The following AUTS2 variants were observed in gnomAD, a reference collection of about 807,000 sequenced individuals.
AUTS2 encodes autism susceptibility gene 2 protein.
Under a neutral mutation model 112.4 loss-of-function variants are expected in AUTS2, and 17 were observed. That is an observed-to-expected ratio of 0.15 (90% confidence interval 0.10 to 0.23). The LOEUF (loss-of-function observed/expected upper bound fraction) is 0.23, where lower values mean the gene tolerates loss of function less well. AUTS2 is among the 10% of genes least tolerant of loss of function. The pLI, the probability that AUTS2 is intolerant of heterozygous loss-of-function variation, is 1.00. For synonymous variants in AUTS2, 751 were observed against 702.7 expected (o/e 1.07, Z -1.09); for missense variants, 1,510 against 1,701.6 (o/e 0.89, Z 1.98).
chr7:70,072,083 A>G (rs1433135517), intron 2 of AUTS2, among the ~76,000 whole-genome samples: 1 of 152,194 alleles, frequency 6.6e-6, no homozygotes, highest in Non-Finnish European at 1.5e-5. Context: ...AAAAGCGAGG[A>G]CATGATTTTA....
At chr7:70,297,635 C>G (rs544197773) in intron 4 of AUTS2, among the ~76,000 whole-genome samples, 1 of 151,716 alleles carries the variant, frequency 6.6e-6, no homozygotes. Flanking sequence ...GGGGTTTCAC[C>G]GTGTTAGCCA....
chr7:69,749,257 T>G (rs1271783908), intron 1 of AUTS2, among the ~76,000 whole-genome samples: 2 of 152,188 alleles, frequency 1.3e-5, no homozygotes, highest in Non-Finnish European at 2.9e-5. Flanking sequence ...TTATGAACTG[T>G]AATGTATCTC....
chr7:70,590,158 GTA>G (rs61345387), intron 5 of AUTS2, among the ~76,000 whole-genome samples: 22,922 of 144,940 alleles, frequency 0.16, 1,855 homozygotes, highest in Non-Finnish European at 0.18. Flanking sequence ...GTGTATGTAT[GTA>G]TATATATATA....
chr7:69,745,801 G>T (rs1241124053), intron 1 of AUTS2, among the ~76,000 whole-genome samples: 1 of 152,144 alleles, frequency 6.6e-6, no homozygotes, highest in African/African-American at 2.4e-5. Context: ...TGAGTATTCT[G>T]TGTGGGTTTA....
intron 5 of AUTS2, among the ~76,000 whole-genome samples, chr7:70,494,136 G>A (rs961487113): frequency 2.6e-5 from 4 of 152,226 alleles, no homozygotes; most frequent in Admixed American, 1.3e-4. Context: ...TTGCAGAGCT[G>A]ATCTTTGTGA....
chr7:70,251,273 C>T (rs552833811), intron 4 of AUTS2, among the ~76,000 whole-genome samples: 1 of 152,116 alleles, frequency 6.6e-6, no homozygotes, highest in South Asian at 2.1e-4. Context: ...ACCATGTTGG[C>T]CAGGCTGGTC....
intron 1 of AUTS2, among the ~76,000 whole-genome samples, chr7:69,638,707 A>G (rs538794358): frequency 6.6e-6 from 1 of 152,332 alleles, no homozygotes; most frequent in South Asian, 2.1e-4. Flanking sequence ...TACTTCAAGC[A>G]GTATTGCCAT....
intron 2 of AUTS2, among the ~76,000 whole-genome samples, chr7:69,929,953 T>TTG (rs1796166760): frequency 6.6e-6 from 1 of 152,228 alleles, no homozygotes; most frequent in African/African-American, 2.4e-5. Flanking sequence ...ATAAGTCGCC[T>TTG]TGAGCTTTGT....
At chr7:70,220,986 G>A (rs952788484) in intron 4 of AUTS2, among the ~76,000 whole-genome samples, 1 of 152,208 alleles carries the variant, frequency 6.6e-6, no homozygotes, top group African/African-American at 2.4e-5. Context: ...AGGCTGGAGT[G>A]CAGTGGTCAC....
intron 1 of AUTS2, among the ~76,000 whole-genome samples, chr7:69,762,215 G>C (rs754280411): frequency 4.1e-5 from 6 of 148,128 alleles, no homozygotes; most frequent in Non-Finnish European, 7.4e-5. Flanking sequence ...ACATTGGGCT[G>C]TATCTAATTA....
chr7:69,653,410 G>A (rs1177336803), intron 1 of AUTS2, among the ~76,000 whole-genome samples: 5 of 152,174 alleles, frequency 3.3e-5, no homozygotes, highest in Non-Finnish European at 7.4e-5. Context: ...ATTGGATGAA[G>A]ATAGTATCTC....
intron 4 of AUTS2, among the ~76,000 whole-genome samples, chr7:70,387,125 C>T (rs1793647544): frequency 6.6e-6 from 1 of 152,136 alleles, no homozygotes; most frequent in Non-Finnish European, 1.5e-5. Flanking sequence ...CTCAAGCTAC[C>T]ATTCTCTTTT....
intron 1 of AUTS2, among the ~76,000 whole-genome samples, chr7:69,736,293 AC>A (rs1292910962): frequency 6.6e-6 from 1 of 152,158 alleles, no homozygotes; most frequent in African/African-American, 2.4e-5. Flanking sequence ...ATTGTGGTAA[AC>A]CAAAGTCATC....
intron 1 of AUTS2, among the ~76,000 whole-genome samples, chr7:69,667,213 GC>G (rs1796093642): frequency 6.6e-6 from 1 of 152,146 alleles, no homozygotes; most frequent in Non-Finnish European, 1.5e-5. Flanking sequence ...CCAGGGCAGA[GC>G]CCCCATGACC....
At chr7:69,875,294 T>C (rs983542342) in intron 1 of AUTS2, among the ~76,000 whole-genome samples, 6 of 152,226 alleles carry the variant, frequency 3.9e-5, no homozygotes, top group African/African-American at 1.4e-4. Context: ...CTTTCTCTCC[T>C]GTGTATCTAA....
At chr7:70,455,235 C>T (rs149374985) in intron 5 of AUTS2, among the ~76,000 whole-genome samples, 2 of 152,282 alleles carry the variant, frequency 1.3e-5, no homozygotes, top group Non-Finnish European at 2.9e-5. Flanking sequence ...GTCATATTCC[C>T]AAACCCTGGG....
intron 2 of AUTS2, among the ~76,000 whole-genome samples, chr7:70,087,340 G>C (rs1332261354): frequency 6.7e-6 from 1 of 148,776 alleles, no homozygotes; most frequent in Non-Finnish European, 1.5e-5. Context: ...TATATATATA[G>C]TTGAACTTAA....
intron 5 of AUTS2, among the ~76,000 whole-genome samples, chr7:70,658,711 G>A (rs866457477): frequency 1.2e-4 from 19 of 152,274 alleles, no homozygotes; most frequent in Non-Finnish European, 2.6e-4. Context: ...AGTTTAGTAC[G>A]GATAAACCAC....
chr7:70,529,064 A>G (rs1799972723), intron 5 of AUTS2, among the ~76,000 whole-genome samples: 1 of 152,204 alleles, frequency 6.6e-6, no homozygotes, highest in Non-Finnish European at 1.5e-5. Context: ...GACTAATGCC[A>G]AAAAGGGCCT....
Sources: gnomAD v4.1 joint callset for allele counts (sites outside exome capture counted in the v4.1 genomes callset) on GRCh38, gnomAD v4.1.1 for gene constraint, MANE v1.5 for transcripts, NCBI Gene and HGNC (gene_info 2026-07-23, HGNC 2026-07-21) for gene names.